The following MYPOP variants were observed in gnomAD, a reference collection of about 807,000 sequenced individuals.
MYPOP encodes the protein Myb related transcription factor, partner of profilin, also known as myb-related transcription factor, partner of profilin.
Under a neutral mutation model 25.7 loss-of-function variants are expected in MYPOP, and 21 were observed. The ratio of observed to expected loss-of-function variants is 0.82; its 90% confidence interval spans 0.58 to 1.18. The LOEUF (loss-of-function observed/expected upper bound fraction) is 1.18, where lower values mean the gene tolerates loss of function less well. Among genes scored for constraint, MYPOP ranks in the 50% most tolerant of loss-of-function variants. The probability of loss-of-function intolerance (pLI) is 0.00; values close to 1 mark genes in which losing one functional copy is unlikely to be tolerated. For missense variants in MYPOP, 566 were observed against 588.3 expected (o/e 0.96, Z 0.39); for synonymous variants, 280 against 247.9 (o/e 1.13, Z -1.22).
chr19:45,893,353 G>A (rs1363914890), intron 2 of MYPOP, among the ~76,000 whole-genome samples: 2 of 151,958 alleles, frequency 1.3e-5, no homozygotes, highest in Admixed American at 6.6e-5. Flanking sequence ...CAAATCACCT[G>A]ATGTTGGGAG....
At position 45,901,808 on chromosome 19, in the gene MYPOP, G is replaced by A; in HGVS notation, c.-35C>T. The stretch of plus-strand genomic sequence containing the variant: ...CGACGCCGCCGTCCTGCCGTCTGGC[G>A]CATGGGGGGCGCCGGCGCTGCGGGC... On this transcript the variant is annotated 5_prime_UTR_variant, in exon 2 of 3. Coordinates refer to ENST00000322217, the MANE Select transcript of MYPOP (RefSeq NM_001012643.4). The surrounding 1 kb of genome is among the most constrained non-coding windows in gnomAD (Gnocchi z 5.7). The A allele has an allele frequency of 7.4e-7, 1 of 1,351,900 alleles. No individual in the cohort carries two copies. 83.7% of individuals were successfully genotyped at this position (1,351,900 alleles called of 1,614,324 possible). A position where few individuals can be genotyped will look rare whatever the true frequency, so the allele number is the denominator to read the frequency against.
Position 45,892,023 on chromosome 19 carries a change from G to A in MYPOP, c.500-700C>T, listed in dbSNP as rs546500864. 2.0e-4 allele frequency among the ~76,000 whole-genome samples: 30 copies of A among 152,110 alleles called. No individual in the cohort carries two copies. In the South Asian group the frequency reaches 6.0e-3, roughly 30 times the overall value. On this transcript the variant is annotated intron_variant, in intron 2 of 2. Transcript: ENST00000322217. ...CAACCTCTGTCTTCCGGCTTCAAAC[G>A]ATTATCCTGCCTCAGCCTCCTAAGT...
rs1278310223 is a variant in MYPOP, at chr19:45,890,969, G to T, written c.854C>A (p.Ala285Asp). 2.7e-6 allele frequency: 4 copies of T among 1,493,634 alleles called. No individual in the cohort carries two copies. Among genetic ancestry groups the T allele is most frequent in the Admixed American group, 4.5e-5 (2 of 44,558 alleles). The allele number at this position is 1,493,634 out of a possible 1,614,324, so 92.5% of individuals were successfully genotyped here. The change falls in exon 3 of 3, where the codon GCC (alanine) becomes GAC (aspartate). Residue 285 changes from alanine to aspartate, a missense_variant. Coordinates refer to ENST00000322217, the MANE Select transcript of MYPOP (RefSeq NM_001012643.4). ...AGCGCTGAGGGCCTCGCTCAGTTTG[G>T]CCAGTCCCTGTCGAAGGGTGCCGGC... ...ELAGTLRQGL[A>D]KLSEALSALL...
intron 2 of MYPOP, among the ~76,000 whole-genome samples, chr19:45,896,718 C>T (rs991494808): frequency 5.3e-5 from 8 of 151,370 alleles, no homozygotes; most frequent in African/African-American, 1.2e-4. Context: ...CTCCGCTTCC[C>T]GGGTTCACGC....
rs749209518 is a variant in MYPOP, at chr19:45,890,585, G to T, written c.*38C>A. ...CGCCCCCCTCGACTGCGCCAAGCTG[G>T]GGAGAGGGGTTGCAGGCAGGATCAT... On this transcript the variant is annotated 3_prime_UTR_variant, in exon 3 of 3. Coordinates refer to ENST00000322217, the MANE Select transcript of MYPOP (RefSeq NM_001012643.4). The T allele has an allele frequency of 3.1e-6, 5 of 1,606,572 alleles. No homozygotes were observed. The South Asian group carries it at 3.3e-5, about 11-fold the overall frequency.
At chr19:45,896,874 C>T (rs893887613) in intron 2 of MYPOP, among the ~76,000 whole-genome samples, 1 of 152,054 alleles carries the variant, frequency 6.6e-6, no homozygotes, top group African/African-American at 2.4e-5. Flanking sequence ...ATCCACCCGC[C>T]TCGGCCTCCC....
chr19:45,892,947 G>C (rs1967146439), intron 2 of MYPOP, among the ~76,000 whole-genome samples: 1 of 152,176 alleles, frequency 6.6e-6, no homozygotes, highest in African/African-American at 2.4e-5. Flanking sequence ...AAGAACCACA[G>C]ATCACAGGGG....
At chr19:45,895,001 C>T (rs140513701) in intron 2 of MYPOP, among the ~76,000 whole-genome samples, 1 of 152,260 alleles carries the variant, frequency 6.6e-6, no homozygotes, top group East Asian at 1.9e-4. Context: ...CAGGTGTAAG[C>T]ACTGCGCCCG....
At chr19:45,891,399 C>A (rs2146374627) in intron 2 of MYPOP, 76 bp from the exon 3 acceptor site, 1 of 1,398,930 alleles carries the variant, frequency 7.1e-7, no homozygotes, top group Non-Finnish European at 9.3e-7. Context: ...CACTCCTTCC[C>A]TCACCTCCCC....
chr19:45,897,929 T>G (rs982345609), intron 2 of MYPOP, among the ~76,000 whole-genome samples: 2 of 150,278 alleles, frequency 1.3e-5, no homozygotes, highest in African/African-American at 4.9e-5. Flanking sequence ...TTCTTTTCTT[T>G]TTTTTTTTTT....
At chr19:45,895,982 A>T (rs903121306) in intron 2 of MYPOP, among the ~76,000 whole-genome samples, 9 of 151,976 alleles carry the variant, frequency 5.9e-5, no homozygotes, top group Non-Finnish European at 1.3e-4. Context: ...GAAAAAAAAA[A>T]TAACAAAAAC....
intron 2 of MYPOP, 112 bp from the exon 3 acceptor site, chr19:45,891,435 C>T: frequency 1.6e-6 from 2 of 1,250,226 alleles, no homozygotes; most frequent in Non-Finnish European, 1.1e-6. Flanking sequence ...AACTATCCTT[C>T]TCACCCCCGC....
At chr19:45,896,516 T>C (rs556221469) in intron 2 of MYPOP, among the ~76,000 whole-genome samples, 5 of 152,214 alleles carry the variant, frequency 3.3e-5, no homozygotes, top group African/African-American at 1.2e-4. Flanking sequence ...ACCATGATCA[T>C]CGCCCCATTT....
rs1167451641 is a variant in MYPOP, at chr19:45,890,671, T to C, written c.1152A>G (p.Arg384=). The change falls in exon 3 of 3, where the codon AGA becomes AGG. Residue 384 remains arginine (R), a synonymous_variant. Coordinates refer to ENST00000322217, the MANE Select transcript of MYPOP (RefSeq NM_001012643.4). ...PPHDSPPHKR[R]KGFPTRKRRG... ...GCCTTTTCCGTGTAGGGAAACCTTT[T>C]CTCCGCTTGTGTGGGGGGGAGTCGT... 6.6e-7 allele frequency: 1 copy of C among 1,505,760 alleles called. No homozygotes were observed. Among genetic ancestry groups the C allele is most frequent in the East Asian group, 2.7e-5 (1 of 36,718 alleles). 93.3% of individuals were successfully genotyped at this position (1,505,760 alleles called of 1,614,324 possible). A position where few individuals can be genotyped will look rare whatever the true frequency, so the allele number is the denominator to read the frequency against.
At position 45,891,356 on chromosome 19, in the gene MYPOP, C is replaced by T. The variant is rs144976338; in HGVS notation, c.500-33G>A. On this transcript the variant is annotated intron_variant, in intron 2 of 2. Coordinates refer to ENST00000322217, the MANE Select transcript of MYPOP (RefSeq NM_001012643.4). Reference sequence around the variant, plus strand: ...GAGAGAAATACAGGTAAGGGGTGAGCGACCCTCGATGCTGCCTTGATTTCC... The same window carrying T: ...GAGAGAAATACAGGTAAGGGGTGAGTGACCCTCGATGCTGCCTTGATTTCC... The T allele has an allele frequency of 7.4e-3, 10,653 of 1,435,486 alleles. 73 individuals carry two copies. Among genetic ancestry groups the T allele is most frequent in the South Asian group, 0.018 (1,207 of 67,296 alleles). 88.9% of individuals were successfully genotyped at this position (1,435,486 alleles called of 1,614,324 possible). A position where few individuals can be genotyped will look rare whatever the true frequency, so the allele number is the denominator to read the frequency against.
chr19:45,897,949 A>G (rs1387857348), intron 2 of MYPOP, among the ~76,000 whole-genome samples: 1 of 141,624 alleles, frequency 7.1e-6, no homozygotes, highest in African/African-American at 2.7e-5. Flanking sequence ...TTTAAGACGG[A>G]GTCTCGCTCT....
rs985925774 is a variant in MYPOP at position 45,901,631 on chromosome 19, C to G, written c.143G>C (p.Ser48Thr). Residue 48 changes from serine to threonine, a missense_variant, in exon 2 of 3, where the codon AGC (serine) becomes ACC (threonine). Coordinates refer to ENST00000322217, the MANE Select transcript of MYPOP (RefSeq NM_001012643.4). This position sits in a 1 kb window ranked among gnomAD's most constrained non-coding sequence, Gnocchi z 5.7. The part of the protein sequence containing the change: ...QLYGAQSRRV[S>T]VAERRRVWDG... ...CCACACGCGCCGCCGCTCTGCCACG[C>G]TCACCCGACGGCTCTGCGCGCCGTA... is the stretch of plus-strand genomic sequence containing the variant. 2 of 1,610,556 alleles carry G rather than the reference C, an allele frequency of 1.2e-6. No individual in the cohort carries two copies. The highest frequency in any genetic ancestry group is 1.1e-5 in the South Asian group (1 of 90,860).
chr19:45,890,563 C>T lies in MYPOP; in HGVS notation c.*60G>A. On this transcript the variant is annotated 3_prime_UTR_variant, in exon 3 of 3. Transcript: ENST00000322217. ...AGCTGGGATGGGCAGAGAGCATCGC[C>T]CCCCTCGACTGCGCCAAGCTGGGGA... is the stretch of plus-strand genomic sequence containing the variant. 3.8e-6 allele frequency: 6 copies of T among 1,587,044 alleles called. No individual in the cohort carries two copies. The highest frequency in any genetic ancestry group is 3.4e-5 in the South Asian group (3 of 87,814).
chr19:45,890,561 G>C lies in MYPOP; in HGVS notation c.*62C>G. ...GCAGCTGGGATGGGCAGAGAGCATC[G>C]CCCCCCTCGACTGCGCCAAGCTGGG... On this transcript the variant is annotated 3_prime_UTR_variant, in exon 3 of 3. Coordinates refer to ENST00000322217, the MANE Select transcript of MYPOP (RefSeq NM_001012643.4). The C allele has an allele frequency of 6.3e-7, 1 of 1,583,384 alleles. No homozygotes were observed. Among genetic ancestry groups the C allele is most frequent in the Admixed American group, 1.7e-5 (1 of 58,230 alleles).
Sources: gnomAD v4.1 joint callset for allele counts (sites outside exome capture counted in the v4.1 genomes callset) on GRCh38, gnomAD v4.1.1 for gene constraint, Gnocchi (gnomAD v3.1) non-coding constraint, MANE v1.5 for transcripts, NCBI Gene and HGNC (gene_info 2026-07-23, HGNC 2026-07-21) for gene names.